Variants in SAMD12 observed in about 807,000 individuals in gnomAD.
The protein encoded by SAMD12 is sterile alpha motif domain containing 12, also known as sterile alpha motif domain-containing protein 12.
Under a neutral mutation model 15.0 loss-of-function variants are expected in SAMD12, and 9 were observed. The ratio of observed to expected loss-of-function variants is 0.60; its 90% CI spans 0.36 to 1.05. The LOEUF (loss-of-function observed/expected upper bound fraction) is 1.05. Among genes scored for constraint, SAMD12 ranks in the 50% least tolerant of loss-of-function variants. The pLI, the probability that SAMD12 is intolerant of heterozygous loss-of-function variation, is 0.01. For missense variants in SAMD12, 230 were observed against 234.2 expected, an observed-to-expected ratio of 0.98 and a Z score of 0.12; for synonymous variants, 86 against 90.1, an observed-to-expected ratio of 0.96 and a Z score of 0.25.
At chr8:118,245,294 G>T (rs1354843911) in intron 4 of SAMD12, among the ~76,000 whole-genome samples, 1 of 152,100 alleles carries the variant, frequency 6.6e-6, no homozygotes, top group African/African-American at 2.4e-5. Context: ...TTTCAGAAGA[G>T]CTTCTCCAGC....
intron 4 of SAMD12, among the ~76,000 whole-genome samples, chr8:118,304,367 T>A (rs943798505): frequency 5.9e-5 from 9 of 152,246 alleles, no homozygotes; most frequent in African/African-American, 1.7e-4. Flanking sequence ...TTGATCCCAC[T>A]GTTTTGTCCA....
the SAMD12 span, among the ~76,000 whole-genome samples, chr8:118,141,949 A>G: frequency 5.3e-5 from 8 of 152,236 alleles, no homozygotes; most frequent in African/African-American, 1.4e-4. Context: ...TCCCTGGGAC[A>G]GTTATCAAAG....
chr8:118,223,058 T>G (rs1193604598), intron 4 of SAMD12, among the ~76,000 whole-genome samples: 4 of 152,146 alleles, frequency 2.6e-5, no homozygotes, highest in African/African-American at 9.7e-5. Context: ...TGTCTCTAAG[T>G]CTTCTACTAA....
At chr8:118,235,625 A>G (rs377157693) in intron 4 of SAMD12, among the ~76,000 whole-genome samples, 5 of 152,204 alleles carry the variant, frequency 3.3e-5, no homozygotes, top group African/African-American at 1.2e-4. Context: ...CAGTGGGAAT[A>G]GATAAAGCTT....
chr8:118,236,014 T>A (rs1166513932), intron 4 of SAMD12, among the ~76,000 whole-genome samples: 2 of 152,196 alleles, frequency 1.3e-5, no homozygotes, highest in Non-Finnish European at 2.9e-5. Flanking sequence ...AATGAGGTAG[T>A]AATAGGACCC....
In SAMD12 at chr8:118,342,591, C is replaced by T. The variant is rs534768088; in HGVS notation, c.433+36969G>A. ...ACTGAGAACTAGAAATGTAAGATGA[C>T]GATGGAAGTACTGACTTAATGCCCC... is the stretch of plus-strand genomic sequence containing the variant. On this transcript the variant is annotated intron_variant, in intron 4 of 4. Coordinates refer to the SAMD12 transcript ENST00000409003. Among the ~76,000 whole-genome samples, 19 of 152,160 alleles carry T rather than the reference C, an allele frequency of 1.2e-4. 2 individuals carry two copies. The South Asian group carries it at 2.9e-3, about 23-fold the overall frequency.
intron 4 of SAMD12, among the ~76,000 whole-genome samples, chr8:118,312,118 T>G (rs1815662056): frequency 6.6e-6 from 1 of 152,140 alleles, no homozygotes; most frequent in African/African-American, 2.4e-5. Flanking sequence ...CTTTACACAT[T>G]TTCACCATCT....
intron 2 of SAMD12, among the ~76,000 whole-genome samples, chr8:118,482,950 A>G (rs1824169957): frequency 6.6e-6 from 1 of 152,214 alleles, no homozygotes; most frequent in South Asian, 2.1e-4. Context: ...GAGGAAGAGA[A>G]AGTAAATACA....
At chr8:118,498,442 A>T (rs2079180759) in intron 2 of SAMD12, among the ~76,000 whole-genome samples, 1 of 152,240 alleles carries the variant, frequency 6.6e-6, no homozygotes. Context: ...ACCTCGCAAC[A>T]CTGCTAGAGG....
intron 2 of SAMD12, among the ~76,000 whole-genome samples, chr8:118,520,573 CAT>C (rs2131090034): frequency 6.6e-6 from 1 of 152,206 alleles, no homozygotes; most frequent in African/African-American, 2.4e-5. Flanking sequence ...TTTCTGAAAA[CAT>C]AACACAATTG....
intron 3 of SAMD12, among the ~76,000 whole-genome samples, chr8:118,418,488 G>A (rs1821828664): frequency 6.6e-6 from 1 of 152,158 alleles, no homozygotes; most frequent in Admixed American, 6.5e-5. Context: ...GGCCGAGGCG[G>A]GTGGATCACA....
chr8:118,511,470 C>T (rs1225088709), intron 2 of SAMD12, among the ~76,000 whole-genome samples: 1 of 151,008 alleles, frequency 6.6e-6, no homozygotes, highest in Non-Finnish European at 1.5e-5. Flanking sequence ...TTTAAATGTA[C>T]GTGAATAGAT....
At chr8:118,381,574 G>A (rs745877288) in intron 3 of SAMD12, among the ~76,000 whole-genome samples, 2 of 152,188 alleles carry the variant, frequency 1.3e-5, no homozygotes, top group Non-Finnish European at 2.9e-5. Flanking sequence ...AGAAGTGAAA[G>A]AGGAAGAAGG....
chr8:118,286,232 G>A (rs1340734723), intron 4 of SAMD12, among the ~76,000 whole-genome samples: 4 of 151,688 alleles, frequency 2.6e-5, no homozygotes, highest in African/African-American at 9.7e-5. Context: ...CGAGTTAATG[G>A]GGGCAGCACA....
intron 4 of SAMD12, among the ~76,000 whole-genome samples, chr8:118,213,580 TGCAAAATCATGA>T (rs1811889836): frequency 6.6e-6 from 1 of 152,162 alleles, no homozygotes; most frequent in Non-Finnish European, 1.5e-5. Context: ...TTGCCCAAAT[TGCAAAATCATGA>T]GCAAATAATA....
rs371038774 is a variant in SAMD12, at chr8:118,449,157, T to C, written c.193-9196A>G. Among the ~76,000 whole-genome samples the C allele has an allele frequency of 2.3e-4, 35 of 151,206 alleles. No homozygotes were observed. In the East Asian group the frequency reaches 6.6e-3, roughly 29 times the overall value. On this transcript the variant is annotated intron_variant, in intron 2 of 3. Transcript: ENST00000314727. ...TGCTCACTGCAACCACTGCCTCCCATGTTCAAACGATTCTCCTTCCTTAGC... is the reference window on the plus strand; with the variant it reads ...TGCTCACTGCAACCACTGCCTCCCACGTTCAAACGATTCTCCTTCCTTAGC...
chr8:118,608,867 G>A (rs1172255446), intron 1 of SAMD12, among the ~76,000 whole-genome samples: 2 of 152,104 alleles, frequency 1.3e-5, no homozygotes, highest in African/African-American at 4.8e-5. Flanking sequence ...GTCCAAGGTA[G>A]GGGAAGTCTC....
chr8:118,515,771 G>T (rs921018186), intron 2 of SAMD12, among the ~76,000 whole-genome samples: 2 of 152,214 alleles, frequency 1.3e-5, no homozygotes, highest in South Asian at 4.2e-4. Context: ...CTCTTGCGCG[G>T]CATCACCAAC....
At position 118,535,057 on chromosome 8, in the gene SAMD12, C is replaced by T. The variant is rs531138486; in HGVS notation, c.192+45658G>A. ...TTTTTAGAATTTTCAGCTTTTTGCT[C>T]TGTTTTCTCTCCATCTTTGTGGTTT... is the stretch of plus-strand genomic sequence containing the variant. On this transcript the variant is annotated intron_variant, in intron 2 of 3. Transcript: ENST00000314727. Among the ~76,000 whole-genome samples, 4 of 152,254 alleles carry T rather than the reference C, an allele frequency of 2.6e-5. No homozygotes were observed. The South Asian group carries it at 8.3e-4, about 32-fold the overall frequency.
Sources: gnomAD v4.1 joint callset for allele counts (sites outside exome capture counted in the v4.1 genomes callset) on GRCh38, gnomAD v4.1.1 for gene constraint, MANE v1.5 for transcripts, NCBI Gene and HGNC (gene_info 2026-07-23, HGNC 2026-07-21) for gene names.